Variants in LYST observed in about 807,000 individuals in gnomAD.
LYST encodes the protein lysosomal trafficking regulator, also known as lysosomal-trafficking regulator.
Under a neutral mutation model 413.6 loss-of-function variants are expected in LYST, and 192 were observed. That is an observed-to-expected ratio of 0.46 (90% CI 0.41 to 0.52). The LOEUF is 0.52. Among genes scored for constraint, LYST ranks in the 20% least tolerant of loss-of-function variants. LYST has a pLI of 0.00. For synonymous variants in LYST, 1,525 were observed against 1,567.3 expected (o/e 0.97, Z 0.64); for missense variants, 3,815 against 4,499.9 (o/e 0.85, Z 4.35).
chr1:235,781,331 T>C (rs983609033), intron 15 of LYST, among the ~76,000 whole-genome samples: 10 of 152,130 alleles, frequency 6.6e-5, no homozygotes, highest in Non-Finnish European at 1.0e-4. Context: ...AAAACAGGTT[T>C]TCTGTTTTAT....
intron 14 of LYST, among the ~76,000 whole-genome samples, chr1:235,783,555 G>A (rs1263670130): frequency 6.6e-6 from 1 of 151,902 alleles, no homozygotes; most frequent in East Asian, 1.9e-4. Context: ...CCTAGATGAC[G>A]GGTTGATGGG....
intron 40 of LYST, among the ~76,000 whole-genome samples, chr1:235,717,293 G>A (rs1386735064): frequency 6.6e-6 from 1 of 152,202 alleles, no homozygotes; most frequent in African/African-American, 2.4e-5. Flanking sequence ...TTTGGAGACT[G>A]AGAACTGAAA....
Position 235,830,338 on chromosome 1 carries a change from A to G in LYST, c.80T>C (p.Val27Ala). The change falls in exon 3 of 53, where the codon GTG becomes GCG. Residue 27 changes from valine (V) to alanine (A), a missense_variant. This residue lies in a region of LYST where 1,648 missense variants were observed against 1,810.3 expected (regional missense o/e 0.91). Transcript: ENST00000389793. Reference sequence around the variant, plus strand: ...CTCCTCTTCTTCCTCCCTGGCCTCCACCCTCTGGACCACTGCATTGCAAAG... The same window carrying G: ...CTCCTCTTCTTCCTCCCTGGCCTCCGCCCTCTGGACCACTGCATTGCAAAG... ...NRLCNAVVQRVEAREEEEEET... is the reference protein window; with the variant it reads ...NRLCNAVVQRAEAREEEEEET... The G allele has an allele frequency of 1.2e-6, 2 of 1,613,730 alleles. No individual in the cohort carries two copies. The highest frequency in any genetic ancestry group is 1.7e-6 in the Non-Finnish European group (2 of 1,179,862).
At position 235,664,575 on chromosome 1, in the gene LYST, G is replaced by A. The variant is rs767062870; in HGVS notation, c.11085C>T (p.Leu3695=). 8 of 1,613,998 alleles carry A rather than the reference G, an allele frequency of 5.0e-6. No individual in the cohort carries two copies. The highest frequency in any genetic ancestry group is 1.1e-5 in the South Asian group (1 of 91,090). The stretch of plus-strand genomic sequence containing the variant: ...TCTCCCTGCAGTGGACATGTCCAAC[G>A]AGATCCCCGTTCACCGTCCAGAGTC... The part of the protein sequence containing the change: ...DLRLWTVNGD[L]VGHVHCREII... The change falls in exon 51 of 53, where the codon CTC becomes CTT. Residue 3695 remains leucine (L), a synonymous_variant. Transcript: ENST00000389793. The surrounding 1 kb of genome is among the most constrained non-coding windows in gnomAD (Gnocchi z 4.5).
At position 235,731,146 on chromosome 1, in the gene LYST, T is replaced by C. The variant is rs759944436; in HGVS notation, c.8833A>G (p.Thr2945Ala). 3 of 1,613,972 alleles carry C rather than the reference T, an allele frequency of 1.9e-6. No homozygotes were observed. The highest frequency in any genetic ancestry group is 4.5e-5 in the East Asian group (2 of 44,852). Residue 2945 changes from threonine to alanine, a missense_variant, in exon 35 of 53, where the codon ACC (threonine) becomes GCC (alanine). Around this residue, in one of 4 missense-constraint regions of LYST, gnomAD observed 866 missense variants for 1,156.0 expected, o/e 0.75. Coordinates refer to ENST00000389793, the MANE Select transcript of LYST (RefSeq NM_000081.4). ...TCTGTTGGATCCAACTGCCATGAGG[T>C]TGGATAGTAGATGGGGTCATACCAT... The part of the protein sequence containing the change: ...AVWYDPIYYP[T>A]SWQLDPTEGP...
chr1:235,834,916 T>A (rs1460311862), intron 1 of LYST, among the ~76,000 whole-genome samples: 1 of 152,018 alleles, frequency 6.6e-6, no homozygotes, highest in Non-Finnish European at 1.5e-5. Flanking sequence ...ATCAATATCA[T>A]GCAAATTTTT....
At chr1:235,774,393 A>G (rs1669018389) in intron 18 of LYST, among the ~76,000 whole-genome samples, 1 of 152,240 alleles carries the variant, frequency 6.6e-6, no homozygotes, top group Admixed American at 6.5e-5. Context: ...CCTTAGTACC[A>G]GAAGTCTCAG....
intron 1 of LYST, among the ~76,000 whole-genome samples, chr1:235,878,797 T>C (rs945711383): frequency 5.3e-5 from 8 of 152,234 alleles, no homozygotes; most frequent in African/African-American, 1.9e-4. Context: ...TTGCTAATTG[T>C]TGGAAACCTG....
intron 1 of LYST, among the ~76,000 whole-genome samples, chr1:235,847,680 A>G (rs1400238701): frequency 1.3e-5 from 2 of 152,160 alleles, no homozygotes; most frequent in Non-Finnish European, 2.9e-5. Context: ...AAGCACTCAC[A>G]TACGGTAAAG....
chr1:235,802,137 T>C (rs1004709825), intron 8 of LYST, among the ~76,000 whole-genome samples: 24 of 132,934 alleles, frequency 1.8e-4, no homozygotes, highest in African/African-American at 6.8e-4. Context: ...GAGGTTGCAG[T>C]GAGTCGAGAT....
intron 43 of LYST, among the ~76,000 whole-genome samples, chr1:235,711,309 T>C (rs969748079): frequency 1.1e-4 from 17 of 151,898 alleles, no homozygotes; most frequent in African/African-American, 4.1e-4. Context: ...CATTTCTCAC[T>C]TGAGCAACAC....
intron 4 of LYST, 91 bp downstream of exon 4, chr1:235,812,880 G>T: frequency 1.3e-6 from 1 of 785,184 alleles, no homozygotes; most frequent in South Asian, 1.4e-5. Context: ...ATAGTGTTCT[G>T]AATCTGAATC....
In LYST at chr1:235,709,350, CA is replaced by C. The variant is rs1429027324; in HGVS notation, c.9926-43del. On this transcript the variant is annotated intron_variant, in intron 43 of 52. Transcript: ENST00000389793. ...ATATTAATATTTAACTCCCCCACAG[CA>C]AGTTTCATTCAGCTACAGAGCAGGT... is the stretch of plus-strand genomic sequence containing the variant. 6.1e-6 allele frequency: 9 copies of C among 1,476,470 alleles called. No individual in the cohort carries two copies. In the East Asian group the frequency reaches 1.7e-4, roughly 28 times the overall value. 91.5% of individuals were successfully genotyped at this position (1,476,470 alleles called of 1,614,324 possible). A position where few individuals can be genotyped will look rare whatever the true frequency, so the allele number is the denominator to read the frequency against.
intron 22 of LYST, 92 bp downstream of exon 22, chr1:235,762,628 T>A (rs1667705078): frequency 2.3e-6 from 3 of 1,317,480 alleles, no homozygotes; most frequent in Non-Finnish European, 3.2e-6. Context: ...GAGGTTGTAC[T>A]ACATATACTT....
In LYST at chr1:235,863,213, A is replaced by G. The variant is rs1213444224; in HGVS notation, c.-98+3630T>C. Among the ~76,000 whole-genome samples, 3 of 152,100 alleles carry G rather than the reference A, an allele frequency of 2.0e-5. No individual in the cohort carries two copies. In the East Asian group the frequency reaches 5.8e-4, roughly 29 times the overall value. ...TGAGATCATCCAGGCTAACACAGTG[A>G]AACCCCATCTCTGCTAAAAACACAA... is the stretch of plus-strand genomic sequence containing the variant. On this transcript the variant is annotated intron_variant, in intron 1 of 52. Coordinates refer to ENST00000389793, the MANE Select transcript of LYST (RefSeq NM_000081.4).
intron 14 of LYST, among the ~76,000 whole-genome samples, chr1:235,786,050 G>A (rs1319211233): frequency 6.6e-6 from 1 of 152,032 alleles, no homozygotes; most frequent in Non-Finnish European, 1.5e-5. Context: ...TTTAATTTAG[G>A]TATTAGCCTT....
intron 20 of LYST, among the ~76,000 whole-genome samples, chr1:235,768,147 C>T (rs556235169): frequency 2.2e-4 from 33 of 152,190 alleles, no homozygotes; most frequent in Admixed American, 5.9e-4. Context: ...TGCTGAATAT[C>T]CTGCTGTAAT....
intron 6 of LYST, 115 bp from the exon 7 acceptor site, chr1:235,804,780 T>G (rs1162437202): frequency 2.9e-6 from 2 of 679,666 alleles, no homozygotes; most frequent in Non-Finnish European, 2.5e-6. Flanking sequence ...TTATTTGCAG[T>G]TGATATGAAA....
At chr1:235,691,712 T>TTTTTTTG (rs1463241103) in intron 47 of LYST, among the ~76,000 whole-genome samples, 1 of 151,048 alleles carries the variant, frequency 6.6e-6, no homozygotes, top group Non-Finnish European at 1.5e-5. Context: ...TTTTTTTTTT[T>TTTTTTTG]TGAGATGGAG....
Sources: gnomAD v4.1 joint callset for allele counts (sites outside exome capture counted in the v4.1 genomes callset) on GRCh38, gnomAD v4.1.1 for gene constraint, gnomAD v4.1.1 regional missense constraint, Gnocchi (gnomAD v3.1) non-coding constraint, MANE v1.5 for transcripts, NCBI Gene and HGNC (gene_info 2026-07-23, HGNC 2026-07-21) for gene names.